RC3H2: variants seen among roughly 807,000 people sequenced by gnomAD.
The protein encoded by RC3H2 is roquin-2.
Under a neutral mutation model 133.3 loss-of-function variants are expected in RC3H2, and 31 were observed. The ratio of observed to expected loss-of-function variants is 0.23; its 90% confidence interval spans 0.17 to 0.31. RC3H2 has a LOEUF of 0.31. RC3H2 is among the 10% of genes least tolerant of loss of function. The pLI, the probability that RC3H2 is intolerant of heterozygous loss-of-function variation, is 1.00. For missense variants in RC3H2, 1,175 were observed against 1,437.2 expected, an observed-to-expected ratio of 0.82 and a Z score of 2.95; for synonymous variants, 517 against 502.2, an observed-to-expected ratio of 1.03 and a Z score of -0.40.
chr9:122,887,510 G>C (rs1438232245), intron 4 of RC3H2, among the ~76,000 whole-genome samples: 3 of 151,852 alleles, frequency 2.0e-5, no homozygotes, highest in Non-Finnish European at 4.4e-5. Context: ...TCCTACCCTA[G>C]ACTGGAGTAA....
chr9:122,873,093 G>T (rs548482693), intron 9 of RC3H2, among the ~76,000 whole-genome samples: 1 of 152,256 alleles, frequency 6.6e-6, no homozygotes, highest in Admixed American at 6.5e-5. Flanking sequence ...GGTTAGAGGG[G>T]TGTATAATAG....
In RC3H2 at chr9:122,851,243, A is replaced by C; in HGVS notation, c.3232-14T>G. On this transcript the variant is annotated splice_polypyrimidine_tract_variant and intron_variant, in intron 19 of 20. Transcript: ENST00000357244. ...GTCCAAGATCTCCTAAGAAAATAAA[A>C]TGTTAATCCTTCAGTATGAAAGTAT... The C allele has an allele frequency of 6.2e-7, 1 of 1,613,668 alleles. No individual in the cohort carries two copies. The highest frequency in any genetic ancestry group is 8.5e-7 in the Non-Finnish European group (1 of 1,179,588).
At chr9:122,883,673 T>TA (rs550232464) in intron 4 of RC3H2, among the ~76,000 whole-genome samples, 17 of 152,062 alleles carry the variant, frequency 1.1e-4, no homozygotes, top group Non-Finnish European at 2.4e-4. Context: ...AATGTTAAGG[T>TA]AAAAAAAGTC....
At position 122,845,894 on chromosome 9, in the gene RC3H2, C is replaced by T. The variant is rs763177699; in HGVS notation, c.*3733G>A. ...ATGCATAGTTGCAATGCAACTTTTC[C>T]CTTTAATGCTTAGTTATCAATACTG... On this transcript the variant is annotated 3_prime_UTR_variant, in exon 21 of 21. Transcript: ENST00000357244. 6.6e-6 allele frequency: 1 copy of T among 152,056 alleles called. No homozygotes were observed. The highest frequency in any genetic ancestry group is 1.5e-5 in the Non-Finnish European group (1 of 68,004). The allele number at this position is 152,056 out of a possible 1,614,324, so 9.4% of individuals were successfully genotyped here.
Position 122,853,969 on chromosome 9 carries a change from C to G in RC3H2, c.3100G>C (p.Glu1034Gln). 1 of 1,614,162 alleles carries G rather than the reference C, an allele frequency of 6.2e-7. No homozygotes were observed. The highest frequency in any genetic ancestry group is 2.2e-5 in the East Asian group (1 of 44,890). ...TTCTTTACCTCTCCATTTCTTAGTT[C>G]AATTTCCTTGCTTAAAAGGTTTAAG... The part of the protein sequence containing the change: ...LTLNLLSKEI[E>Q]LRNGELQSDY... The change falls in exon 18 of 21, where the codon GAA (glutamate) becomes CAA (glutamine). Residue 1034 changes from glutamate to glutamine, a missense_variant. Glu to Gln is a conservative substitution (Grantham distance 29). Coordinates refer to ENST00000357244, the MANE Select transcript of RC3H2 (RefSeq NM_001100588.3).
At chr9:122,870,421 A>C (rs918597340) in intron 9 of RC3H2, among the ~76,000 whole-genome samples, 6 of 151,642 alleles carry the variant, frequency 4.0e-5, no homozygotes, top group Admixed American at 2.6e-4. Context: ...AACAAAAAAA[A>C]AACAACAAAC....
At chr9:122,860,941 T>C (rs1830431794) in intron 10 of RC3H2, among the ~76,000 whole-genome samples, 1 of 152,172 alleles carries the variant, frequency 6.6e-6, no homozygotes, top group South Asian at 2.1e-4. Context: ...ATAATTCCTA[T>C]ATCCCCAGCA....
chr9:122,879,302 G>A (rs1282257017), intron 8 of RC3H2, among the ~76,000 whole-genome samples: 1 of 151,830 alleles, frequency 6.6e-6, no homozygotes, highest in Non-Finnish European at 1.5e-5. Context: ...GCTGAGGCAG[G>A]AGAATCACCT....
At chr9:122,849,922 G>T in intron 20 of RC3H2, 100 bp from the exon 21 acceptor site, 5 of 716,640 alleles carry the variant, frequency 7.0e-6, no homozygotes, top group Non-Finnish European at 8.5e-6. Flanking sequence ...AACTTTAGGA[G>T]TCTCTAGCAA....
intron 2 of RC3H2, 104 bp from the exon 3 acceptor site, chr9:122,893,130 T>C: frequency 7.2e-7 from 1 of 1,380,868 alleles, no homozygotes. Flanking sequence ...AAAATTATCA[T>C]GCATAGATAA....
At chr9:122,865,916 C>T (rs1405862932) in intron 9 of RC3H2, among the ~76,000 whole-genome samples, 1 of 151,626 alleles carries the variant, frequency 6.6e-6, no homozygotes, top group Non-Finnish European at 1.5e-5. Flanking sequence ...TTTTTCCCCT[C>T]ATGCCACTTT....
chr9:122,864,869 A>G (rs1357675679), intron 10 of RC3H2, among the ~76,000 whole-genome samples: 1 of 151,966 alleles, frequency 6.6e-6, no homozygotes, highest in African/African-American at 2.4e-5. Context: ...CATGATCTGC[A>G]TGCCTCAGCC....
intron 5 of RC3H2, among the ~76,000 whole-genome samples, chr9:122,882,881 T>C (rs1004158518): frequency 1.3e-5 from 2 of 152,230 alleles, no homozygotes; most frequent in Non-Finnish European, 2.9e-5. Flanking sequence ...GTTTCCAATA[T>C]AGTCTGATTT....
chr9:122,850,435 T>TATCTATAGATAGATAGATAGATAGATAG (rs11267855), intron 20 of RC3H2, among the ~76,000 whole-genome samples: 2 of 149,862 alleles, frequency 1.3e-5, no homozygotes, highest in Non-Finnish European at 1.5e-5. Context: ...GCTATCTATC[T>TATCTATAGATAGATAGATAGATAGATAG]ATAGATAGAT....
intron 9 of RC3H2, among the ~76,000 whole-genome samples, chr9:122,869,339 A>G (rs1830954727): frequency 6.6e-6 from 1 of 152,218 alleles, no homozygotes; most frequent in Non-Finnish European, 1.5e-5. Context: ...AATTAAATAT[A>G]AAGTGTTAGT....
At chr9:122,878,432 G>A (rs1564304331) in intron 8 of RC3H2, among the ~76,000 whole-genome samples, 3 of 151,816 alleles carry the variant, frequency 2.0e-5, no homozygotes, top group Non-Finnish European at 4.4e-5. Flanking sequence ...CACCACGCCC[G>A]GCTAATTTTT....
chr9:122,852,440 G>A (rs1485245803), intron 18 of RC3H2, among the ~76,000 whole-genome samples: 54 of 130,624 alleles, frequency 4.1e-4, no homozygotes, highest in East Asian at 7.3e-4. Flanking sequence ...CAGCCGCCCC[G>A]TCCGGGAGGT....
At chr9:122,874,999 T>C (rs1831268955) in intron 9 of RC3H2, 1 of 645,004 alleles carries the variant, frequency 1.6e-6, no homozygotes, top group South Asian at 3.5e-5. Flanking sequence ...GTTTCTTCTC[T>C]GACTTTTTTA....
chr9:122,851,032 T>TA (rs778326359), intron 20 of RC3H2, 49 bp downstream of exon 20: 1 of 1,591,822 alleles, frequency 6.3e-7, no homozygotes, highest in South Asian at 1.1e-5. Flanking sequence ...TTTTTTCTCT[T>TA]TATTATGTCC....
Sources: allele counts gnomAD v4.1 joint callset (sites outside exome capture counted in the v4.1 genomes callset), GRCh38; gene constraint gnomAD v4.1.1; transcripts MANE v1.5; gene names NCBI Gene and HGNC (gene_info 2026-07-23, HGNC 2026-07-21).